Variants in MINDY1 observed in about 807,000 individuals in gnomAD.
MINDY1 encodes MINDY lysine 48 deubiquitinase 1.
MINDY1 carries 50 observed loss-of-function variants against 53.6 expected under a neutral mutation model. That is an observed-to-expected ratio of 0.93 (90% CI 0.74 to 1.18). The LOEUF (loss-of-function observed/expected upper bound fraction) is 1.18. Among genes scored for constraint, MINDY1 ranks in the 50% most tolerant of loss-of-function variants. The pLI is 0.00. For synonymous variants in MINDY1, 231 were observed against 234.7 expected, an observed-to-expected ratio of 0.98 and a Z score of 0.14; for missense variants, 484 against 578.6, an observed-to-expected ratio of 0.84 and a Z score of 1.68.
In MINDY1 at chr1:150,998,168, C is replaced by T. The variant is rs1344658435; in HGVS notation, c.1087G>A (p.Asp363Asn). The T allele has an allele frequency of 5.0e-6, 8 of 1,614,038 alleles. No individual in the cohort carries two copies. The Admixed American group carries it at 1.0e-4, about 20-fold the overall frequency. ...VDGDSCFCDS[D>N]FHLSHSLGKG... ...CCCAGGGAATGACTCAGGTGAAAGT[C>T]AGAGTCACAAAAGCAGCTGTCTCCA... The change falls in exon 8 of 10, where the codon GAC (aspartate) becomes AAC (asparagine). Residue 363 changes from aspartate to asparagine, a missense_variant. Coordinates refer to ENST00000683666, the MANE Select transcript of MINDY1 (RefSeq NM_001376665.1).
rs1672656202 is a variant in MINDY1, at chr1:151,002,170, A to T, written c.448T>A (p.Trp150Arg). ...CTAACTGCATGTTCTCTTACCTTCC[A>T]CTGAAGAAAGAGGATGTTCATGATG... is the stretch of plus-strand genomic sequence containing the variant. ...LAIMNILFLQ[W>R]KVKLPPQKEV... The change falls in exon 2 of 10, where the codon TGG becomes AGG. Residue 150 changes from tryptophan to arginine, a missense_variant. Transcript: ENST00000683666. The surrounding 1 kb of genome is among the most constrained non-coding windows in gnomAD (Gnocchi z 4.1). 1 of 1,604,112 alleles carries T rather than the reference A, an allele frequency of 6.2e-7. No individual in the cohort carries two copies. Among genetic ancestry groups the T allele is most frequent in the Non-Finnish European group, 8.5e-7 (1 of 1,174,468 alleles).
In MINDY1 at chr1:150,997,795, G is replaced by T; in HGVS notation, c.1174-16C>A. On this transcript the variant is annotated splice_polypyrimidine_tract_variant and intron_variant, in intron 8 of 9. Coordinates refer to ENST00000683666, the MANE Select transcript of MINDY1 (RefSeq NM_001376665.1). ...TCAGGTAGTCCTGGGGAGAACAAGA[G>T]TTGTGCAGTGGGCTGAGGCCCAGAG... 6.2e-7 allele frequency: 1 copy of T among 1,604,406 alleles called. No individual in the cohort carries two copies. Among genetic ancestry groups the T allele is most frequent in the East Asian group, 2.2e-5 (1 of 44,658 alleles).
chr1:150,997,859 C>T lies in MINDY1; in HGVS notation c.1174-80G>A, dbSNP rs867057283. ...GGCAAGGTTTCCAAATCAGTTTTCC[C>T]ACATCCCTCAAATTCTCTAGCTCTT... On this transcript the variant is annotated intron_variant, in intron 8 of 9. Transcript: ENST00000683666. 43 of 1,440,310 alleles carry T rather than the reference C, an allele frequency of 3.0e-5. 2 individuals carry two copies. The Middle Eastern group carries it at 6.7e-3, about 224-fold the overall frequency. 89.2% of individuals were successfully genotyped at this position (1,440,310 alleles called of 1,614,324 possible). A position where few individuals can be genotyped will look rare whatever the true frequency, so the allele number is the denominator to read the frequency against.
Position 151,006,899 on chromosome 1 carries a change from C to G in MINDY1, c.-677G>C. On this transcript the variant is annotated 5_prime_UTR_variant, in exon 1 of 10. Transcript: ENST00000683666. Reference sequence around the variant, plus strand: ...TAGAAGGGACGGAGCGCTTGTGCCTCTCTGGTGAGAATAGGGAAGAGCAAG... The same window carrying G: ...TAGAAGGGACGGAGCGCTTGTGCCTGTCTGGTGAGAATAGGGAAGAGCAAG... The G allele has an allele frequency of 1.0e-6, 1 of 985,448 alleles. No individual in the cohort carries two copies. Among genetic ancestry groups the G allele is most frequent in the South Asian group, 4.7e-5 (1 of 21,296 alleles). The allele number at this position is 985,448 out of a possible 1,614,324, so 61.0% of individuals were successfully genotyped here. A position where few individuals can be genotyped will look rare whatever the true frequency, so the allele number is the denominator to read the frequency against.
At chr1:151,005,043 C>A (rs1450713841) in intron 1 of MINDY1, among the ~76,000 whole-genome samples, 2 of 151,934 alleles carry the variant, frequency 1.3e-5, no homozygotes, top group Non-Finnish European at 2.9e-5. Flanking sequence ...TGCCTGCAGG[C>A]CTTATGCTTT....
At position 150,999,208 on chromosome 1, in the gene MINDY1, C is replaced by T. The variant is rs1302900240; in HGVS notation, c.981+161G>A. The stretch of plus-strand genomic sequence containing the variant: ...AACCGTAGCCAGTCCACAGTGGACA[C>T]GCACCAGGAGCGGGAAATGAACCTT... On this transcript the variant is annotated intron_variant, in intron 7 of 9. Transcript: ENST00000683666. The surrounding 1 kb of genome is among the most constrained non-coding windows in gnomAD (Gnocchi z 4.4). Among the ~76,000 whole-genome samples the T allele has an allele frequency of 2.0e-5, 3 of 152,080 alleles. No homozygotes were observed. The highest frequency in any genetic ancestry group is 4.8e-5 in the African/African-American group (2 of 41,378).
upstream of MINDY1, chr1:151,008,261 G>T: frequency 8.4e-7 from 1 of 1,195,798 alleles, no homozygotes; most frequent in Non-Finnish European, 1.0e-6. Context: ...TTTGTTTACC[G>T]AACGACTGAT....
intron 1 of MINDY1, among the ~76,000 whole-genome samples, chr1:151,003,622 C>T (rs1001007281): frequency 6.6e-6 from 1 of 152,136 alleles, no homozygotes; most frequent in Non-Finnish European, 1.5e-5. Flanking sequence ...GTTGCCTAGG[C>T]TGGTCTTAAC....
chr1:151,002,644 A>G lies in MINDY1; in HGVS notation c.-27T>C. On this transcript the variant is annotated 5_prime_UTR_variant, in exon 2 of 10. Coordinates refer to ENST00000683666, the MANE Select transcript of MINDY1 (RefSeq NM_001376665.1). The surrounding 1 kb of genome is among the most constrained non-coding windows in gnomAD (Gnocchi z 4.1). Reference sequence around the variant, plus strand: ...GTCAAAAGGGACTTGGCTGAGGGGCACTGAAGGTGTTTACTAACCTCAGGG... The same window carrying G: ...GTCAAAAGGGACTTGGCTGAGGGGCGCTGAAGGTGTTTACTAACCTCAGGG... 6.2e-7 allele frequency: 1 copy of G among 1,613,986 alleles called. No individual in the cohort carries two copies. Among genetic ancestry groups the G allele is most frequent in the Non-Finnish European group, 8.5e-7 (1 of 1,179,890 alleles).
upstream of MINDY1, chr1:151,006,942 G>A (rs1416700926): frequency 4.1e-6 from 4 of 972,032 alleles, no homozygotes; most frequent in Non-Finnish European, 4.9e-6. Flanking sequence ...GCTAAGTAGG[G>A]AGGAGAAGGG....
Position 151,002,304 on chromosome 1 carries a change from C to T in MINDY1, c.314G>A (p.Arg105Lys). The change falls in exon 2 of 10, where the codon AGG (arginine) becomes AAG (lysine). Residue 105 changes from arginine to lysine, a missense_variant. Transcript: ENST00000683666. This position sits in a 1 kb window ranked among gnomAD's most constrained non-coding sequence, Gnocchi z 4.1. ...GAAATCTGGCTCAGGCTGTCGGGTC[C>T]TGGGGGACTGAGGAAGCTCCTGGGG... ...SMPQELPQSP[R>K]TRQPEPDFYC... 1.2e-6 allele frequency: 2 copies of T among 1,614,154 alleles called. No individual in the cohort carries two copies. The highest frequency in any genetic ancestry group is 1.7e-6 in the Non-Finnish European group (2 of 1,180,042).
intron 9 of MINDY1, 23 bp downstream of exon 9, chr1:150,997,601 T>C (rs1404871561): frequency 2.5e-6 from 4 of 1,604,594 alleles, no homozygotes; most frequent in Admixed American, 3.3e-5. Context: ...ACCGGGAGTG[T>C]GGGCGCCCAG....
At chr1:151,000,656 C>G (rs1362374809) in intron 4 of MINDY1, 41 bp from the exon 5 acceptor site, 1 of 1,576,246 alleles carries the variant, frequency 6.3e-7, no homozygotes. Context: ...CTAGCCTTCT[C>G]TCCCACCACT....
intron 3 of MINDY1, among the ~76,000 whole-genome samples, 161 bp downstream of exon 3, chr1:151,001,564 T>C (rs1417415807): frequency 6.6e-6 from 1 of 152,254 alleles, no homozygotes; most frequent in African/African-American, 2.4e-5. Flanking sequence ...CCGACGCCTT[T>C]GCTTTTCATT....
rs369199311 is a variant in MINDY1, at chr1:151,001,768, C to A, written c.468G>T (p.Pro156=). 2 of 1,598,706 alleles carry A rather than the reference C, an allele frequency of 1.3e-6. No homozygotes were observed. The highest frequency in any genetic ancestry group is 1.7e-6 in the Non-Finnish European group (2 of 1,175,380). Residue 156 remains proline (P), a synonymous_variant, in exon 3 of 10, where the codon CCG becomes CCT. Transcript: ENST00000683666. ...LFLQWKVKLP[P]QKEVITSDEL... is the part of the protein sequence containing the mutation. ...CATCCGATGTGATCACTTCCTTCTGCGGGGGGAGCTTCACCTGGAGGCAGA... is the reference window on the plus strand; with the variant it reads ...CATCCGATGTGATCACTTCCTTCTGAGGGGGGAGCTTCACCTGGAGGCAGA...
chr1:150,996,736 G>A (rs1437047320), downstream of MINDY1: 1 of 152,144 alleles, frequency 6.6e-6, no homozygotes, highest in Non-Finnish European at 1.5e-5. Context: ...TAGAGACGGG[G>A]TTTCACCTTT....
Position 150,998,272 on chromosome 1 carries a change from C to T in MINDY1, c.983G>A (p.Ser328Asn), listed in dbSNP as rs1558049554. ...GTCAGTGACCAGTAGGTATAAGTGA[C>T]TCTACAAAGAAAAGAACAGAGCTCA... The part of the protein sequence containing the change: ...NHFSTMTKHK[S>N]HLYLLVTDQG... The change falls in exon 8 of 10, where the codon AGT becomes AAT. Residue 328 changes from serine (S) to asparagine (N), a missense_variant and splice_region_variant. By Grantham distance (46) the Ser-to-Asn change is conservative. Coordinates refer to ENST00000683666, the MANE Select transcript of MINDY1 (RefSeq NM_001376665.1). The T allele has an allele frequency of 1.9e-6, 3 of 1,609,768 alleles. No individual in the cohort carries two copies. Among genetic ancestry groups the T allele is most frequent in the Non-Finnish European group, 1.7e-6 (2 of 1,178,366 alleles).
chr1:150,999,220 G>T lies in MINDY1; in HGVS notation c.981+149C>A. ...TCCACAGTGGACACGCACCAGGAGC[G>T]GGAAATGAACCTTTGTTGTGGTAAA... On this transcript the variant is annotated intron_variant, in intron 7 of 9. Transcript: ENST00000683666. This position sits in a 1 kb window ranked among gnomAD's most constrained non-coding sequence, Gnocchi z 4.4. The T allele has an allele frequency of 8.9e-7, 1 of 1,128,912 alleles. No homozygotes were observed. Among genetic ancestry groups the T allele is most frequent in the Non-Finnish European group, 1.3e-6 (1 of 779,434 alleles). 69.9% of individuals were successfully genotyped at this position (1,128,912 alleles called of 1,614,324 possible). A position where few individuals can be genotyped will look rare whatever the true frequency, so the allele number is the denominator to read the frequency against.
In MINDY1 at chr1:151,002,340, G is replaced by A; in HGVS notation, c.278C>T (p.Ala93Val). 6.2e-7 allele frequency: 1 copy of A among 1,614,190 alleles called. No homozygotes were observed. Among genetic ancestry groups the A allele is most frequent in the East Asian group, 2.2e-5 (1 of 44,890 alleles). Residue 93 changes from alanine (A) to valine (V), a missense_variant, in exon 2 of 10, where the codon GCA (alanine) becomes GTA (valine). Physicochemically the swap from Ala to Val is moderately conservative, Grantham distance 64. Coordinates refer to ENST00000683666, the MANE Select transcript of MINDY1 (RefSeq NM_001376665.1). This position sits in a 1 kb window ranked among gnomAD's most constrained non-coding sequence, Gnocchi z 4.1. Reference protein sequence around the residue: ...GTLPEVETIRACSMPQELPQS... With the variant: ...GTLPEVETIRVCSMPQELPQS... ...AGGAAGCTCCTGGGGCATGGAGCAT[G>A]CCCTTATTGTCTCTACTTCAGGCAG...
Sources: allele counts gnomAD v4.1 joint callset (sites outside exome capture counted in the v4.1 genomes callset), GRCh38; gene constraint gnomAD v4.1.1; non-coding constraint Gnocchi (gnomAD v3.1); transcripts MANE v1.5; gene names NCBI Gene and HGNC (gene_info 2026-07-23, HGNC 2026-07-21).